Variants in GALNT18 observed in about 807,000 individuals in gnomAD.
GALNT18 encodes polypeptide N-acetylgalactosaminyltransferase 18.
In GALNT18, 44 loss-of-function variants were observed where a neutral mutation model predicts 69.5. The observed-to-expected ratio is 0.63, with a 90% confidence interval of 0.50 to 0.81. GALNT18 has a LOEUF of 0.81. Among genes scored for constraint, GALNT18 ranks in the 40% least tolerant of loss-of-function variants. The pLI is 0.00. For missense variants in GALNT18, 715 were observed against 810.0 expected, an observed-to-expected ratio of 0.88 and a Z score of 1.42; for synonymous variants, 364 against 318.2, an observed-to-expected ratio of 1.14 and a Z score of -1.53.
chr11:11,415,889 A>C lies in GALNT18; in HGVS notation c.595+16732T>G, dbSNP rs1854845160. On this transcript the variant is annotated intron_variant, in intron 3 of 10. Coordinates refer to ENST00000227756, the MANE Select transcript of GALNT18 (RefSeq NM_198516.3). This position sits in a 1 kb window ranked among gnomAD's most constrained non-coding sequence, Gnocchi z 4.1. ...ATAGGAATATGGAGTACACAGGTCTAGAGGGCAGCAGCTGGGCACCTAAGA... is the reference window on the plus strand; with the variant it reads ...ATAGGAATATGGAGTACACAGGTCTCGAGGGCAGCAGCTGGGCACCTAAGA... Among the ~76,000 whole-genome samples, 1 of 152,226 alleles carries C rather than the reference A, an allele frequency of 6.6e-6. No individual in the cohort carries two copies. Among genetic ancestry groups the C allele is most frequent in the African/African-American group, 2.4e-5 (1 of 41,450 alleles).
At chr11:11,507,514 C>A (rs1482669782) in intron 1 of GALNT18, among the ~76,000 whole-genome samples, 1 of 152,078 alleles carries the variant, frequency 6.6e-6, no homozygotes, top group Non-Finnish European at 1.5e-5. Flanking sequence ...TCTCCCCTTC[C>A]TCTTTCTTTT....
At chr11:11,529,640 C>T (rs72867158) in intron 1 of GALNT18, among the ~76,000 whole-genome samples, 8 of 62,136 alleles carry the variant, frequency 1.3e-4, no homozygotes, top group Admixed American at 6.9e-4. Flanking sequence ...TATATATATA[C>T]ACACACACAC....
At chr11:11,294,267 T>A (rs1849357698) in intron 9 of GALNT18, among the ~76,000 whole-genome samples, 2 of 152,174 alleles carry the variant, frequency 1.3e-5, no homozygotes, top group Admixed American at 6.5e-5. Context: ...ACATGGGAAA[T>A]GCTGTCTACC....
chr11:11,290,312 C>T (rs1239531047), intron 10 of GALNT18, among the ~76,000 whole-genome samples: 1 of 152,212 alleles, frequency 6.6e-6, no homozygotes, highest in Non-Finnish European at 1.5e-5. Context: ...CTCCTGCTAA[C>T]TCTTCATCCT....
At chr11:11,539,337 C>T (rs960361138) in intron 1 of GALNT18, among the ~76,000 whole-genome samples, 4 of 152,188 alleles carry the variant, frequency 2.6e-5, no homozygotes, top group Non-Finnish European at 4.4e-5. Context: ...ATGCTCAGAC[C>T]ACCCTCTCCT....
At chr11:11,333,726 G>A (rs7105170) in intron 7 of GALNT18, among the ~76,000 whole-genome samples, 1,796 of 152,164 alleles carry the variant, frequency 0.012, 33 homozygotes, top group African/African-American at 0.041. Flanking sequence ...CGGTGCAGCA[G>A]CCAGGGAGCA....
chr11:11,457,998 C>T (rs1341963132), intron 1 of GALNT18, among the ~76,000 whole-genome samples: 1 of 152,232 alleles, frequency 6.6e-6, no homozygotes, highest in Non-Finnish European at 1.5e-5. Context: ...AGGTATCTGT[C>T]TGCCATGGGC....
chr11:11,366,122 T>C (rs1850763073), intron 6 of GALNT18, among the ~76,000 whole-genome samples: 1 of 152,180 alleles, frequency 6.6e-6, no homozygotes, highest in Non-Finnish European at 1.5e-5. Context: ...TGGCTGTAGT[T>C]TCTGCTGTTT....
intron 9 of GALNT18, among the ~76,000 whole-genome samples, chr11:11,306,075 T>C (rs1490108171): frequency 1.3e-5 from 2 of 152,244 alleles, no homozygotes; most frequent in East Asian, 1.9e-4. Flanking sequence ...GGACATAGTC[T>C]ATGCCATGTC....
chr11:11,448,851 G>A lies in GALNT18; in HGVS notation c.321C>T (p.Pro107=), dbSNP rs774568853. Residue 107 remains proline, a synonymous_variant, in exon 2 of 11, where the codon CCC becomes CCT. Transcript: ENST00000227756. ...LFAHWGQELS[P]EGRRVALKQF... ...GCTTCAGGGCCACGCGCCGGCCTTC[G>A]GGGCTGAGCTCCTGGCCCCAGTGTG... 52 of 1,610,606 alleles carry A rather than the reference G, an allele frequency of 3.2e-5. No homozygotes were observed. In the Middle Eastern group the frequency reaches 1.2e-3, roughly 36 times the overall value.
At chr11:11,388,212 A>G (rs922859430) in intron 3 of GALNT18, among the ~76,000 whole-genome samples, 2 of 152,152 alleles carry the variant, frequency 1.3e-5, no homozygotes, top group African/African-American at 4.8e-5. Flanking sequence ...CTTTGGTGTC[A>G]CAGTAGGGCA....
In GALNT18 at chr11:11,404,493, G is replaced by A. The variant is rs1854542667; in HGVS notation, c.596-25229C>T. Among the ~76,000 whole-genome samples, 2 of 152,130 alleles carry A rather than the reference G, an allele frequency of 1.3e-5. No homozygotes were observed. Among genetic ancestry groups the A allele is most frequent in the Admixed American group, 6.5e-5 (1 of 15,278 alleles). ...GCCCGGAAGGAGTTAAGGATCAAAC[G>A]GCGCCCAGGGAGTGAGCCAAACATT... On this transcript the variant is annotated intron_variant, in intron 3 of 10. Coordinates refer to ENST00000227756, the MANE Select transcript of GALNT18 (RefSeq NM_198516.3). The surrounding 1 kb of genome is among the most constrained non-coding windows in gnomAD (Gnocchi z 4.5).
chr11:11,589,376 T>C (rs1461040726), intron 1 of GALNT18, among the ~76,000 whole-genome samples: 1 of 152,134 alleles, frequency 6.6e-6, no homozygotes, highest in Non-Finnish European at 1.5e-5. Context: ...CAAACAAAAA[T>C]ACAAGCAATC....
In GALNT18 at chr11:11,598,674, C is replaced by G. The variant is rs1274506887; in HGVS notation, c.235+22685G>C. On this transcript the variant is annotated intron_variant, in intron 1 of 10. Transcript: ENST00000227756. This position sits in a 1 kb window ranked among gnomAD's most constrained non-coding sequence, Gnocchi z 4.8. The stretch of plus-strand genomic sequence containing the variant: ...GGATATCTTTTGGAGAAACTTTTGT[C>G]AACCTATCACAGCTAGGTAATTAAG... Among the ~76,000 whole-genome samples the G allele has an allele frequency of 6.6e-6, 1 of 152,188 alleles. No individual in the cohort carries two copies. The highest frequency in any genetic ancestry group is 2.4e-5 in the African/African-American group (1 of 41,444).
At chr11:11,607,946 A>G (rs2133957030) in intron 1 of GALNT18, among the ~76,000 whole-genome samples, 1 of 152,328 alleles carries the variant, frequency 6.6e-6, no homozygotes, top group Non-Finnish European at 1.5e-5. Context: ...TACAAAACAA[A>G]TCTGTAAAGG....
intron 10 of GALNT18, among the ~76,000 whole-genome samples, 173 bp from the exon 11 acceptor site, chr11:11,271,463 T>C (rs1357266251): frequency 1.3e-5 from 2 of 152,120 alleles, no homozygotes; most frequent in African/African-American, 4.8e-5. Context: ...ATTAGTCTCC[T>C]CTGGAAGACT....
chr11:11,601,897 A>G lies in GALNT18; in HGVS notation c.235+19462T>C, dbSNP rs1367770452. Among the ~76,000 whole-genome samples, 1 of 152,228 alleles carries G rather than the reference A, an allele frequency of 6.6e-6. No homozygotes were observed. ...TTAAAGTCACAATTTCTAAGAACCT[A>G]TCAACAGCATTACTGTGTTGATAGG... On this transcript the variant is annotated intron_variant, in intron 1 of 10. Transcript: ENST00000227756. This position sits in a 1 kb window ranked among gnomAD's most constrained non-coding sequence, Gnocchi z 4.0.
intron 3 of GALNT18, among the ~76,000 whole-genome samples, chr11:11,388,655 C>T (rs1294716638): frequency 2.6e-5 from 4 of 152,202 alleles, no homozygotes; most frequent in Admixed American, 6.5e-5. Context: ...ACGATGAGCT[C>T]GGCTAGTCCA....
At chr11:11,401,371 T>C (rs1364501000) in intron 3 of GALNT18, among the ~76,000 whole-genome samples, 1 of 152,180 alleles carries the variant, frequency 6.6e-6, no homozygotes, top group African/African-American at 2.4e-5. Flanking sequence ...CACAAGGACT[T>C]AGGCTATTGT....
Sources: allele counts gnomAD v4.1 joint callset (sites outside exome capture counted in the v4.1 genomes callset), GRCh38; gene constraint gnomAD v4.1.1; non-coding constraint Gnocchi (gnomAD v3.1); transcripts MANE v1.5; gene names NCBI Gene and HGNC (gene_info 2026-07-23, HGNC 2026-07-21).